The following PRLHR variants were observed in gnomAD, a reference collection of about 807,000 sequenced individuals.
The protein encoded by PRLHR is prolactin releasing hormone receptor.
PRLHR carries 10 observed loss-of-function variants against 9.3 expected under a neutral mutation model. The observed-to-expected ratio is 1.08, with a 90% CI of 0.66 to 1.82. The LOEUF is 1.82. Ranked by LOEUF, PRLHR falls within the 40% of genes most tolerant of loss-of-function variation. The pLI is 0.00. For missense variants in PRLHR, 589 were observed against 512.0 expected (o/e 1.15, Z -1.45); for synonymous variants, 261 against 249.3 (o/e 1.05, Z -0.44).
intron 1 of PRLHR, 116 bp from the exon 2 acceptor site, chr10:118,595,366 G>C (rs752766384): frequency 2.4e-5 from 24 of 980,414 alleles, no homozygotes; most frequent in Admixed American, 1.3e-4. Context: ...ACCGGCCACA[G>C]AACAACAGCA....
Position 118,591,891 on chromosome 10 carries a change from T to C in PRLHR, c.*2241A>G, listed in dbSNP as rs1844435590. The C allele has an allele frequency of 1.3e-5, 2 of 152,090 alleles. No homozygotes were observed. Among genetic ancestry groups the C allele is most frequent in the South Asian group, 4.2e-4 (2 of 4,792 alleles). 9.4% of individuals were successfully genotyped at this position (152,090 alleles called of 1,614,324 possible). A position where few individuals can be genotyped will look rare whatever the true frequency, so the allele number is the denominator to read the frequency against. On this transcript the variant is annotated 3_prime_UTR_variant, in exon 2 of 2. Coordinates refer to ENST00000239032, the MANE Select transcript of PRLHR (RefSeq NM_004248.3). ...TTTGTATTTTAAGTAGAGACAGGGT[T>C]TCAACACGTTGGCCAGGCTGGTCTC...
chr10:118,590,259 T>A lies in PRLHR; in HGVS notation c.*3873A>T, dbSNP rs560658243. 12 of 152,324 alleles carry A rather than the reference T, an allele frequency of 7.9e-5. No individual in the cohort carries two copies. The highest frequency in any genetic ancestry group is 7.8e-4 in the Admixed American group (12 of 15,304). The allele number at this position is 152,324 out of a possible 1,614,324, so 9.4% of individuals were successfully genotyped here. ...GTTTTGTGCCTTGCATTTGAAAGAC[T>A]AACAGATGTTCAGGAATGCAAACCA... On this transcript the variant is annotated 3_prime_UTR_variant, in exon 2 of 2. Coordinates refer to ENST00000239032, the MANE Select transcript of PRLHR (RefSeq NM_004248.3).
In PRLHR at chr10:118,594,980, G is replaced by C. The variant is rs1232925677; in HGVS notation, c.265C>G (p.Arg89Gly). 1 of 1,613,574 alleles carries C rather than the reference G, an allele frequency of 6.2e-7. No homozygotes were observed. The highest frequency in any genetic ancestry group is 8.5e-7 in the Non-Finnish European group (1 of 1,179,856). ...AAGTTCGTCACGTTGTGCAGCCGGC[G>C]CACCCGCGCGATCACCAGCACCAGC... ...CLLVLVIARV[R>G]RLHNVTNFLI... The change falls in exon 2 of 2, where the codon CGC becomes GGC. Residue 89 changes from arginine (R) to glycine (G), a missense_variant. Transcript: ENST00000239032.
Position 118,594,858 on chromosome 10 carries a change from G to T in PRLHR, c.387C>A (p.Phe129Leu). 1 of 1,613,298 alleles carries T rather than the reference G, an allele frequency of 6.2e-7. No individual in the cohort carries two copies. The highest frequency in any genetic ancestry group is 8.5e-7 in the Non-Finnish European group (1 of 1,179,882). ...AGACCAGGTGGCACAGGCCGCCGCCGAACACCCAGCCGCGTGGCTCGAAGG... is the reference window on the plus strand; with the variant it reads ...AGACCAGGTGGCACAGGCCGCCGCCTAACACCCAGCCGCGTGGCTCGAAGG... ...AYAFEPRGWVFGGGLCHLVFF... is the reference protein window; with the variant it reads ...AYAFEPRGWVLGGGLCHLVFF... The change falls in exon 2 of 2, where the codon TTC becomes TTA. Residue 129 changes from phenylalanine (F) to leucine (L), a missense_variant. Coordinates refer to ENST00000239032, the MANE Select transcript of PRLHR (RefSeq NM_004248.3).
In PRLHR at chr10:118,594,712, T is replaced by C. The variant is rs1413095413; in HGVS notation, c.533A>G (p.Tyr178Cys). The C allele has an allele frequency of 1.2e-6, 2 of 1,600,190 alleles. No individual in the cohort carries two copies. The highest frequency in any genetic ancestry group is 1.7e-6 in the Non-Finnish European group (2 of 1,176,046). Residue 178 changes from tyrosine (Y) to cysteine (C), a missense_variant, in exon 2 of 2, where the codon TAC becomes TGC. Tyr to Cys is a radical substitution (Grantham distance 194, BLOSUM62 -2). Coordinates refer to ENST00000239032, the MANE Select transcript of PRLHR (RefSeq NM_004248.3). ...CAGCGCCCAGATGGCCAGCACAGCG[T>C]AGGCGCTGAGGCGCAGCGAGATGCG... is the stretch of plus-strand genomic sequence containing the variant. ...RRRISLRLSA[Y>C]AVLAIWALSA...
Position 118,594,834 on chromosome 10 carries a change from G to A in PRLHR, c.411C>T (p.Val137=). 6.2e-7 allele frequency: 1 copy of A among 1,613,128 alleles called. No homozygotes were observed. The highest frequency in any genetic ancestry group is 1.1e-5 in the South Asian group (1 of 91,082). ...WVFGGGLCHL[V]FFLQPVTVYV... ...AGACGGTGACCGGCTGCAGGAAGAA[G>A]ACCAGGTGGCACAGGCCGCCGCCGA... Residue 137 remains valine, a synonymous_variant, in exon 2 of 2, where the codon GTC becomes GTT. Transcript: ENST00000239032.
At position 118,595,077 on chromosome 10, in the gene PRLHR, C is replaced by T. The variant is rs1419280809; in HGVS notation, c.168G>A (p.Val56=). The T allele has an allele frequency of 6.2e-7, 1 of 1,605,476 alleles. No individual in the cohort carries two copies. Among genetic ancestry groups the T allele is most frequent in the East Asian group, 2.2e-5 (1 of 44,654 alleles). The change falls in exon 2 of 2, where the codon GTG becomes GTA. Residue 56 remains valine, a synonymous_variant. Coordinates refer to ENST00000239032, the MANE Select transcript of PRLHR (RefSeq NM_004248.3). ...GCACGATCAGCCCCTTCAGCTGATG[C>T]ACCAGCTGCAGGCTCTGGAAGGGCG... ...AVTPFQSLQL[V]HQLKGLIVLL...
rs548398963 is a variant in PRLHR, at chr10:118,595,056, G to C, written c.189C>G (p.Ile63Met). 1.9e-5 allele frequency: 31 copies of C among 1,607,090 alleles called. 1 individual carries two copies. In the South Asian group the frequency reaches 2.8e-4, roughly 14 times the overall value. Reference protein sequence around the residue: ...LQLVHQLKGLIVLLYSVVVVV... With the variant: ...LQLVHQLKGLMVLLYSVVVVV... ...CCACCACGACGCTGTAGAGCAGCACGATCAGCCCCTTCAGCTGATGCACCA... is the reference window on the plus strand; with the variant it reads ...CCACCACGACGCTGTAGAGCAGCACCATCAGCCCCTTCAGCTGATGCACCA... Residue 63 changes from isoleucine to methionine, a missense_variant, in exon 2 of 2, where the codon ATC becomes ATG. Ile to Met is a conservative substitution (Grantham distance 10). Transcript: ENST00000239032.
At position 118,590,295 on chromosome 10, in the gene PRLHR, G is replaced by A. The variant is rs549420664; in HGVS notation, c.*3837C>T. 6.6e-6 allele frequency: 1 copy of A among 152,340 alleles called. No homozygotes were observed. Among genetic ancestry groups the A allele is most frequent in the South Asian group, 2.1e-4 (1 of 4,816 alleles). The allele number at this position is 152,340 out of a possible 1,614,324, so 9.4% of individuals were successfully genotyped here. On this transcript the variant is annotated 3_prime_UTR_variant, in exon 2 of 2. Coordinates refer to ENST00000239032, the MANE Select transcript of PRLHR (RefSeq NM_004248.3). ...CAGGAATGCAAACCACAGGACAGAG[G>A]TCGTGGGTGAGCCTACCTGAGAAAA...
chr10:118,594,216 G>A lies in PRLHR; in HGVS notation c.1029C>T (p.Arg343=), dbSNP rs752693520. ...FIYAWLHDSF[R]EELRKLLVAW... is the part of the protein sequence containing the mutation. ...CGACCAACAGTTTGCGCAGCTCCTC[G>A]CGGAAGCTGTCGTGCAGCCAGGCGT... Residue 343 remains arginine, a synonymous_variant, in exon 2 of 2, where the codon CGC becomes CGT. Coordinates refer to ENST00000239032, the MANE Select transcript of PRLHR (RefSeq NM_004248.3). 3.0e-5 allele frequency: 48 copies of A among 1,588,206 alleles called. No individual in the cohort carries two copies. The highest frequency in any genetic ancestry group is 3.9e-5 in the Non-Finnish European group (46 of 1,167,418).
Position 118,594,184 on chromosome 10 carries a change from G to A in PRLHR, c.1061C>T (p.Pro354Leu), listed in dbSNP as rs1330541314. The A allele has an allele frequency of 6.4e-7, 1 of 1,559,254 alleles. No individual in the cohort carries two copies. The highest frequency in any genetic ancestry group is 8.7e-7 in the Non-Finnish European group (1 of 1,151,440). Residue 354 changes from proline (P) to leucine (L), a missense_variant, in exon 2 of 2, where the codon CCC becomes CTC. Pro to Leu is a moderately conservative substitution (Grantham distance 98). Transcript: ENST00000239032. The part of the protein sequence containing the change: ...EELRKLLVAW[P>L]RKIAPHGQNM... ...CTGGCCATGGGGGGCTATCTTGCGG[G>A]GCCAAGCGACCAACAGTTTGCGCAG...
Position 118,593,443 on chromosome 10 carries a change from C to T in PRLHR, c.*689G>A, listed in dbSNP as rs1361392804. The T allele has an allele frequency of 2.0e-5, 3 of 152,174 alleles. No individual in the cohort carries two copies. The East Asian group carries it at 5.8e-4, about 29-fold the overall frequency. The allele number at this position is 152,174 out of a possible 1,614,324, so 9.4% of individuals were successfully genotyped here. A position where few individuals can be genotyped will look rare whatever the true frequency, so the allele number is the denominator to read the frequency against. ...TTATCTATCTCTTCATTGACTAATT[C>T]GTCTCATCATTTTTAAATAGTAGTT... On this transcript the variant is annotated 3_prime_UTR_variant, in exon 2 of 2. Transcript: ENST00000239032.
Position 118,594,907 on chromosome 10 carries a change from C to T in PRLHR, c.338G>A (p.Cys113Tyr), listed in dbSNP as rs747878484. 7.4e-6 allele frequency: 12 copies of T among 1,613,394 alleles called. No individual in the cohort carries two copies. In the East Asian group the frequency reaches 2.5e-4, roughly 33 times the overall value. Reference protein sequence around the residue: ...ALSDVLMCTACVPLTLAYAFE... With the variant: ...ALSDVLMCTAYVPLTLAYAFE... Reference sequence around the variant, plus strand: ...GGCATAGGCCAGCGTGAGCGGCACGCAGGCGGTGCACATGAGCACGTCGGA... The same window carrying T: ...GGCATAGGCCAGCGTGAGCGGCACGTAGGCGGTGCACATGAGCACGTCGGA... The change falls in exon 2 of 2, where the codon TGC (cysteine) becomes TAC (tyrosine). Residue 113 changes from cysteine to tyrosine, a missense_variant. By Grantham distance (194) the Cys-to-Tyr change is radical (BLOSUM62 -2). Coordinates refer to ENST00000239032, the MANE Select transcript of PRLHR (RefSeq NM_004248.3).
In PRLHR at chr10:118,593,968, C is replaced by A; in HGVS notation, c.*164G>T. Reference sequence around the variant, plus strand: ...GCCCGCTTAACATTTTACAAACACACAAGGACAAGACAGACAGCCGGACAA... The same window carrying A: ...GCCCGCTTAACATTTTACAAACACAAAAGGACAAGACAGACAGCCGGACAA... On this transcript the variant is annotated 3_prime_UTR_variant, in exon 2 of 2. Transcript: ENST00000239032. 1 of 1,188,158 alleles carries A rather than the reference C, an allele frequency of 8.4e-7. No individual in the cohort carries two copies. The allele number at this position is 1,188,158 out of a possible 1,614,324, so 73.6% of individuals were successfully genotyped here.
At position 118,591,078 on chromosome 10, in the gene PRLHR, T is replaced by A. The variant is rs1589783257; in HGVS notation, c.*3054A>T. ...TTAAAATAATTCATGGTATGTAAAT[T>A]TGTTTTTTGTTGTTTTTTGTTGTTT... On this transcript the variant is annotated 3_prime_UTR_variant, in exon 2 of 2. Transcript: ENST00000239032. 1.3e-5 allele frequency: 2 copies of A among 150,050 alleles called. No homozygotes were observed. The highest frequency in any genetic ancestry group is 2.1e-4 in the South Asian group (1 of 4,780). 9.3% of individuals were successfully genotyped at this position (150,050 alleles called of 1,614,324 possible).
Position 118,594,823 on chromosome 10 carries a change from T to C in PRLHR, c.422A>G (p.Gln141Arg). The C allele has an allele frequency of 6.2e-7, 1 of 1,612,950 alleles. No individual in the cohort carries two copies. Among genetic ancestry groups the C allele is most frequent in the Non-Finnish European group, 8.5e-7 (1 of 1,179,860 alleles). ...GGLCHLVFFL[Q>R]PVTVYVSVFT... ...CACCGACACATAGACGGTGACCGGC[T>C]GCAGGAAGAAGACCAGGTGGCACAG... The change falls in exon 2 of 2, where the codon CAG becomes CGG. Residue 141 changes from glutamine (Q) to arginine (R), a missense_variant. Gln to Arg is a conservative substitution (Grantham distance 43, BLOSUM62 1). Coordinates refer to ENST00000239032, the MANE Select transcript of PRLHR (RefSeq NM_004248.3).
In PRLHR at chr10:118,594,899, G is replaced by A. The variant is rs773887094; in HGVS notation, c.346C>T (p.Leu116Phe). The change falls in exon 2 of 2, where the codon CTC (leucine) becomes TTC (phenylalanine). Residue 116 changes from leucine (L) to phenylalanine (F), a missense_variant. Leu to Phe is a conservative substitution (Grantham distance 22). Transcript: ENST00000239032. The part of the protein sequence containing the change: ...DVLMCTACVP[L>F]TLAYAFEPRG... ...GGCTCGAAGGCATAGGCCAGCGTGAGCGGCACGCAGGCGGTGCACATGAGC... is the reference window on the plus strand; with the variant it reads ...GGCTCGAAGGCATAGGCCAGCGTGAACGGCACGCAGGCGGTGCACATGAGC... The A allele has an allele frequency of 5.0e-6, 8 of 1,613,436 alleles. No homozygotes were observed. The highest frequency in any genetic ancestry group is 6.8e-6 in the Non-Finnish European group (8 of 1,179,848).
In PRLHR at chr10:118,594,281, A is replaced by G; in HGVS notation, c.964T>C (p.Trp322Arg). 1.2e-6 allele frequency: 2 copies of G among 1,605,310 alleles called. No individual in the cohort carries two copies. The highest frequency in any genetic ancestry group is 1.3e-5 in the African/African-American group (1 of 74,974). ...TAGCAGGCCGAACTCATGGCGAGCCAGTGGCAGAGCAGCTGCACCAGCCCA... is the reference window on the plus strand; with the variant it reads ...TAGCAGGCCGAACTCATGGCGAGCCGGTGGCAGAGCAGCTGCACCAGCCCA... ...AFGLVQLLCH[W>R]LAMSSACYNP... Residue 322 changes from tryptophan to arginine, a missense_variant, in exon 2 of 2, where the codon TGG becomes CGG. Coordinates refer to ENST00000239032, the MANE Select transcript of PRLHR (RefSeq NM_004248.3).
In PRLHR at chr10:118,594,117, C is replaced by G. The variant is rs751788750; in HGVS notation, c.*15G>C. 3 of 1,513,404 alleles carry G rather than the reference C, an allele frequency of 2.0e-6. No individual in the cohort carries two copies. Among genetic ancestry groups the G allele is most frequent in the Non-Finnish European group, 2.7e-6 (3 of 1,130,090 alleles). 93.7% of individuals were successfully genotyped at this position (1,513,404 alleles called of 1,614,324 possible). A position where few individuals can be genotyped will look rare whatever the true frequency, so the allele number is the denominator to read the frequency against. On this transcript the variant is annotated 3_prime_UTR_variant, in exon 2 of 2. Transcript: ENST00000239032. Reference sequence around the variant, plus strand: ...TTGAAGTGGAGCTCCTTGACCAAGGCCTGGCTAAGTGGCATCAGATGACCA... The same window carrying G: ...TTGAAGTGGAGCTCCTTGACCAAGGGCTGGCTAAGTGGCATCAGATGACCA...
Sources: gnomAD v4.1 joint callset for allele counts on GRCh38, gnomAD v4.1.1 for gene constraint, MANE v1.5 for transcripts, NCBI Gene and HGNC (gene_info 2026-07-23, HGNC 2026-07-21) for gene names.